The following XRCC4 variants were observed in gnomAD, a reference collection of about 807,000 sequenced individuals.
XRCC4 encodes DNA repair protein XRCC4.
XRCC4 carries 28 observed loss-of-function variants against 39.1 expected under a neutral mutation model. That is an observed-to-expected ratio of 0.72 (90% CI 0.53 to 0.98). XRCC4 has a LOEUF of 0.98. XRCC4 is among the 50% of genes least tolerant of loss of function. XRCC4 has a pLI of 0.00. For missense variants in XRCC4, 350 were observed against 376.4 expected (o/e 0.93, Z 0.58); for synonymous variants, 123 against 126.4 (o/e 0.97, Z 0.18).
intron 1 of XRCC4, among the ~76,000 whole-genome samples, chr5:83,101,022 A>G (rs946739770): frequency 1.3e-5 from 2 of 152,132 alleles, no homozygotes; most frequent in South Asian, 4.1e-4. Context: ...TGATTATCGT[A>G]TCAAACCTAC....
At chr5:83,325,343 A>T (rs1756217617) in intron 7 of XRCC4, among the ~76,000 whole-genome samples, 2 of 152,028 alleles carry the variant, frequency 1.3e-5, no homozygotes, top group Admixed American at 1.3e-4. Flanking sequence ...CATGTGCAGG[A>T]CATGCAGGTT....
intron 6 of XRCC4, among the ~76,000 whole-genome samples, chr5:83,219,179 T>C (rs1208483028): frequency 6.6e-6 from 1 of 152,190 alleles, no homozygotes; most frequent in Non-Finnish European, 1.5e-5. Flanking sequence ...ACCAGTCATA[T>C]TGGATTAGGG....
intron 2 of XRCC4, among the ~76,000 whole-genome samples, chr5:83,108,221 G>A (rs538854005): frequency 1.6e-4 from 24 of 151,922 alleles, no homozygotes; most frequent in Admixed American, 8.5e-4. Context: ...AGAGCATCGC[G>A]TGCTTACAGC....
At chr5:83,168,924 G>T (rs1749604833) in intron 3 of XRCC4, among the ~76,000 whole-genome samples, 1 of 152,232 alleles carries the variant, frequency 6.6e-6, no homozygotes. Flanking sequence ...CTAAGAAAGA[G>T]GGTGTATAAC....
At chr5:83,299,777 C>T (rs937667820) in intron 7 of XRCC4, among the ~76,000 whole-genome samples, 6 of 151,820 alleles carry the variant, frequency 4.0e-5, no homozygotes, top group African/African-American at 1.5e-4. Flanking sequence ...TTATAGTTTC[C>T]TGTTATCATT....
intron 7 of XRCC4, among the ~76,000 whole-genome samples, chr5:83,291,953 G>C (rs375305110): frequency 2.4e-3 from 235 of 99,242 alleles, no homozygotes; most frequent in Non-Finnish European, 3.3e-3. Context: ...GTGTATTTCT[G>C]TGTGTGTGTG....
intron 3 of XRCC4, among the ~76,000 whole-genome samples, chr5:83,180,766 A>G (rs1294392082): frequency 2.6e-5 from 4 of 152,118 alleles, no homozygotes; most frequent in African/African-American, 4.8e-5. Context: ...TCTTGCCTGG[A>G]GTATTGATGA....
At chr5:83,118,392 C>T (rs1746844542) in intron 3 of XRCC4, among the ~76,000 whole-genome samples, 1 of 151,810 alleles carries the variant, frequency 6.6e-6, no homozygotes, top group South Asian at 2.1e-4. Flanking sequence ...ACCTCTGACA[C>T]TTAGGCTCAC....
chr5:83,200,220 A>G (rs1277925187), intron 4 of XRCC4, among the ~76,000 whole-genome samples: 1 of 152,198 alleles, frequency 6.6e-6, no homozygotes, highest in Non-Finnish European at 1.5e-5. Context: ...GCATTCTCTG[A>G]GTCTTGAAAA....
intron 7 of XRCC4, among the ~76,000 whole-genome samples, chr5:83,337,761 A>G (rs1312028666): frequency 6.6e-6 from 1 of 152,208 alleles, no homozygotes; most frequent in African/African-American, 2.4e-5. Context: ...GGAGTGGTTT[A>G]TTACACAACT....
chr5:83,229,212 G>T (rs1752400607), intron 6 of XRCC4, among the ~76,000 whole-genome samples: 1 of 152,046 alleles, frequency 6.6e-6, no homozygotes, highest in African/African-American at 2.4e-5. Flanking sequence ...AATGGTTTGT[G>T]ATATGAACAA....
chr5:83,283,211 A>G (rs1754611461), intron 7 of XRCC4, among the ~76,000 whole-genome samples: 1 of 152,216 alleles, frequency 6.6e-6, no homozygotes, highest in Non-Finnish European at 1.5e-5. Flanking sequence ...AGTATAGGTT[A>G]TAAAGAACGT....
chr5:83,181,737 A>T (rs1232156533), intron 3 of XRCC4, among the ~76,000 whole-genome samples: 5 of 152,206 alleles, frequency 3.3e-5, no homozygotes, highest in African/African-American at 1.2e-4. Flanking sequence ...ACACCAAAGC[A>T]GTGGGAACAA....
intron 7 of XRCC4, among the ~76,000 whole-genome samples, chr5:83,351,136 C>A (rs1757070136): frequency 6.6e-6 from 1 of 152,120 alleles, no homozygotes; most frequent in Non-Finnish European, 1.5e-5. Context: ...TGGCATCTTA[C>A]CCCCCGCTTC....
chr5:83,204,142 T>C (rs1267896307), intron 5 of XRCC4, among the ~76,000 whole-genome samples: 13 of 152,168 alleles, frequency 8.5e-5, no homozygotes, highest in Non-Finnish European at 1.0e-4. Flanking sequence ...TTATCAGTTT[T>C]ATTCTTCTTT....
chr5:83,231,175 C>T (rs1752482332), intron 6 of XRCC4, among the ~76,000 whole-genome samples: 1 of 151,840 alleles, frequency 6.6e-6, no homozygotes, highest in African/African-American at 2.4e-5. Context: ...CATCTTTTTC[C>T]TATATGTCAG....
At chr5:83,251,352 C>T (rs1398691092) in intron 6 of XRCC4, among the ~76,000 whole-genome samples, 1 of 151,676 alleles carries the variant, frequency 6.6e-6, no homozygotes, top group African/African-American at 2.4e-5. Context: ...GGTGAAACCC[C>T]GTCTCTACTA....
At chr5:83,359,279 G>A in the XRCC4 span, among the ~76,000 whole-genome samples, 1 of 152,228 alleles carries the variant, frequency 6.6e-6, no homozygotes, top group South Asian at 2.1e-4. Context: ...GCTCAGAGGA[G>A]TTTGAAGTAG....
At chr5:83,293,181 A>G (rs1490717264) in intron 7 of XRCC4, among the ~76,000 whole-genome samples, 1 of 151,938 alleles carries the variant, frequency 6.6e-6, no homozygotes, top group Non-Finnish European at 1.5e-5. Context: ...TGTAGTAGAC[A>G]TTCTTTACTC....
Sources: allele counts gnomAD v4.1 joint callset (sites outside exome capture counted in the v4.1 genomes callset), GRCh38; gene constraint gnomAD v4.1.1; transcripts MANE v1.5; gene names NCBI Gene and HGNC (gene_info 2026-07-23, HGNC 2026-07-21).